Variants in ADORA2A observed in about 807,000 individuals in gnomAD.
The protein encoded by ADORA2A is adenosine A2a receptor.
ADORA2A carries 11 observed loss-of-function variants against 18.4 expected under a neutral mutation model. That is an observed-to-expected ratio of 0.60 (90% confidence interval 0.38 to 0.99). The LOEUF is 0.99. Among genes scored for constraint, ADORA2A ranks in the 50% least tolerant of loss-of-function variants. The pLI is 0.01. For synonymous variants in ADORA2A, 218 were observed against 237.3 expected (o/e 0.92, Z 0.75); for missense variants, 449 against 556.1 (o/e 0.81, Z 1.94).
chr22:24,432,165 C>G (rs1317940094), intron 1 of ADORA2A: 1 of 153,530 alleles, frequency 6.5e-6, no homozygotes, highest in Non-Finnish European at 1.4e-5. Context: ...CGAGTGGAAG[C>G]TCACAGTCAG....
At chr22:24,436,083 G>A (rs978746675) in intron 2 of ADORA2A, among the ~76,000 whole-genome samples, 6 of 152,208 alleles carry the variant, frequency 3.9e-5, no homozygotes, top group African/African-American at 1.4e-4. Flanking sequence ...ACATACGAGT[G>A]TCTCCTGATG....
At chr22:24,424,900 G>C (rs2146855744), upstream of ADORA2A, among the ~76,000 whole-genome samples, 1 of 152,220 alleles carries the variant, frequency 6.6e-6, no homozygotes, top group African/African-American at 2.4e-5. This position sits in a 1 kb window ranked among gnomAD's most constrained non-coding sequence, Gnocchi z 4.9. Flanking sequence ...ACTGTACCAT[G>C]GGAGGAAGAG....
intron 1 of ADORA2A, chr22:24,429,559 C>A (rs1158402520): frequency 1.3e-5 from 2 of 152,276 alleles, no homozygotes; most frequent in East Asian, 3.8e-4. Context: ...CTCTGACCTT[C>A]CTGTCACTCT....
chr22:24,431,266 C>T lies in ADORA2A; in HGVS notation c.-274-1865C>T, dbSNP rs141567107. ...GCTGCAGGGTTTCTGGCTCTGCTCT[C>T]TCCTTCCTCCTCCTGCTTCTGTGTC... On this transcript the variant is annotated intron_variant, in intron 1 of 2. Coordinates refer to ENST00000337539, the MANE Select transcript of ADORA2A (RefSeq NM_000675.6). 487 of 456,858 alleles carry T rather than the reference C, an allele frequency of 1.1e-3. 5 individuals carry two copies. The highest frequency in any genetic ancestry group is 9.1e-3 in the African/African-American group (455 of 50,204). The allele number at this position is 456,858 out of a possible 1,614,324, so 28.3% of individuals were successfully genotyped here. A position where few individuals can be genotyped will look rare whatever the true frequency, so the allele number is the denominator to read the frequency against.
intron 1 of ADORA2A, chr22:24,430,326 G>A (rs555275480): frequency 2.6e-5 from 4 of 153,196 alleles, no homozygotes; most frequent in African/African-American, 7.2e-5. Flanking sequence ...AGCCGTGGGT[G>A]TCTTTAGCCC....
rs200236808 is a variant in ADORA2A at position 24,433,756 on chromosome 22, C to T, written c.332+20C>T. ...GCTCCGGTGAGCAGGGCCGGGGTTA[C>T]ATCTGTGCAAAGGCTGTTGGTGCCC... is the stretch of plus-strand genomic sequence containing the variant. On this transcript the variant is annotated intron_variant, in intron 2 of 2. Coordinates refer to ENST00000337539, the MANE Select transcript of ADORA2A (RefSeq NM_000675.6). 1.1e-4 allele frequency: 172 copies of T among 1,595,014 alleles called. No homozygotes were observed. The highest frequency in any genetic ancestry group is 1.5e-4 in the Admixed American group (9 of 59,784).
intron 1 of ADORA2A, chr22:24,430,880 C>T (rs2043014431): frequency 2.9e-6 from 1 of 349,788 alleles, no homozygotes. Context: ...GCCCACTGGG[C>T]CTCACTGGAC....
chr22:24,424,741 T>G (rs1049745045), upstream of ADORA2A, among the ~76,000 whole-genome samples: 1 of 152,102 alleles, frequency 6.6e-6, no homozygotes, highest in African/African-American at 2.4e-5. This position sits in a 1 kb window ranked among gnomAD's most constrained non-coding sequence, Gnocchi z 4.9. Context: ...CGGCCGTCTG[T>G]CTGGCTGCCC....
At chr22:24,431,069 A>G (rs1479136109) in intron 1 of ADORA2A, 2 of 450,462 alleles carry the variant, frequency 4.4e-6, no homozygotes, top group South Asian at 3.1e-5. Context: ...AGAGGCCAAG[A>G]GCATCAGGGA....
intron 1 of ADORA2A, chr22:24,431,296 C>G (rs180900002): frequency 1.5e-5 from 7 of 456,784 alleles, no homozygotes. Flanking sequence ...TGTGTCAATG[C>G]TCCATTCCCA....
chr22:24,435,138 G>A lies in ADORA2A; in HGVS notation c.332+1402G>A, dbSNP rs1002876378. 2.0e-5 allele frequency among the ~76,000 whole-genome samples: 3 copies of A among 152,198 alleles called. No homozygotes were observed. In the South Asian group the frequency reaches 6.2e-4, roughly 31 times the overall value. On this transcript the variant is annotated intron_variant, in intron 2 of 2. Coordinates refer to ENST00000337539, the MANE Select transcript of ADORA2A (RefSeq NM_000675.6). Reference sequence around the variant, plus strand: ...TATCCCAGGAGAGTCTAGAACCCTCGGCAAAGGAGAAGGGGACCCTGGCCA... The same window carrying A: ...TATCCCAGGAGAGTCTAGAACCCTCAGCAAAGGAGAAGGGGACCCTGGCCA...
chr22:24,426,637 G>A (rs1410285470), upstream of ADORA2A, among the ~76,000 whole-genome samples: 1 of 152,158 alleles, frequency 6.6e-6, no homozygotes, highest in Non-Finnish European at 1.5e-5. Context: ...GGCTCTGGGT[G>A]GTGGGAAGAG....
rs200465484 is a variant in ADORA2A, at chr22:24,441,295, G to A, written c.1045G>A (p.Gly349Ser). The A allele has an allele frequency of 1.3e-5, 21 of 1,611,106 alleles. No homozygotes were observed. Among genetic ancestry groups the A allele is most frequent in the South Asian group, 3.3e-5 (3 of 90,924 alleles). The change falls in exon 3 of 3, where the codon GGC (glycine) becomes AGC (serine). Residue 349 changes from glycine (G) to serine (S), a missense_variant. Gly to Ser is a moderately conservative substitution (Grantham distance 56). Coordinates refer to ENST00000337539, the MANE Select transcript of ADORA2A (RefSeq NM_000675.6). ...CCACCCGCCAGGAGTGTGGGCCAAC[G>A]GCAGTGCTCCCCACCCTGAGCGGAG... ...NGHPPGVWAN[G>S]SAPHPERRPN...
intron 1 of ADORA2A, chr22:24,430,951 C>A (rs2043016532): frequency 1.4e-5 from 5 of 364,940 alleles, no homozygotes; most frequent in South Asian, 1.0e-4. Context: ...AGCCACAGGC[C>A]AGGCACCTGG....
rs146309377 is a variant in ADORA2A at position 24,441,930 on chromosome 22, G to A, written c.*441G>A. Reference sequence around the variant, plus strand: ...GGTTCAGGAGCTGCTGGGCCCAGAGGTGACATTTGACTTTTTTCCAGGAAA... The same window carrying A: ...GGTTCAGGAGCTGCTGGGCCCAGAGATGACATTTGACTTTTTTCCAGGAAA... On this transcript the variant is annotated 3_prime_UTR_variant, in exon 3 of 3. Transcript: ENST00000337539. 2 of 142,398 alleles carry A rather than the reference G, an allele frequency of 1.4e-5. No homozygotes were observed. The highest frequency in any genetic ancestry group is 3.1e-5 in the Non-Finnish European group (2 of 64,726). 8.8% of individuals were successfully genotyped at this position (142,398 alleles called of 1,614,324 possible).
At position 24,433,566 on chromosome 22, in the gene ADORA2A, A is replaced by G; in HGVS notation, c.162A>G (p.Ala54=). The G allele has an allele frequency of 6.2e-7, 1 of 1,614,062 alleles. No homozygotes were observed. The highest frequency in any genetic ancestry group is 8.5e-7 in the Non-Finnish European group (1 of 1,180,022). ...FVVSLAAADI[A]VGVLAIPFAI... ...TGTCACTGGCGGCGGCCGACATCGCAGTGGGTGTGCTCGCCATCCCCTTTG... is the reference window on the plus strand; with the variant it reads ...TGTCACTGGCGGCGGCCGACATCGCGGTGGGTGTGCTCGCCATCCCCTTTG... The change falls in exon 2 of 3, where the codon GCA becomes GCG. Residue 54 remains alanine (A), a synonymous_variant. Coordinates refer to ENST00000337539, the MANE Select transcript of ADORA2A (RefSeq NM_000675.6).
chr22:24,430,249 A>AATGCTTAAGGAG (rs1225145580), intron 1 of ADORA2A: 1 of 126,092 alleles, frequency 7.9e-6, no homozygotes, highest in Non-Finnish European at 1.9e-5. Flanking sequence ...AGCCTGCAGG[A>AATGCTTAAGGAG]GTGCTTAAGG....
At position 24,441,259 on chromosome 22, in the gene ADORA2A, C is replaced by T. The variant is rs200993478; in HGVS notation, c.1009C>T (p.Arg337Cys). The change falls in exon 3 of 3, where the codon CGT (arginine) becomes TGT (cysteine). Residue 337 changes from arginine to cysteine, a missense_variant. By Grantham distance (180) the Arg-to-Cys change is radical (BLOSUM62 -3). Coordinates refer to ENST00000337539, the MANE Select transcript of ADORA2A (RefSeq NM_000675.6). ...HGSDGEQVSL[R>C]LNGHPPGVWA... ...CAGTGACGGAGAGCAGGTCAGCCTC[C>T]GTCTCAACGGCCACCCGCCAGGAGT... 18 of 1,613,168 alleles carry T rather than the reference C, an allele frequency of 1.1e-5. No homozygotes were observed. The highest frequency in any genetic ancestry group is 4.5e-5 in the East Asian group (2 of 44,878).
chr22:24,429,035 CTG>C (rs2042964288), intron 1 of ADORA2A, among the ~76,000 whole-genome samples: 1 of 152,358 alleles, frequency 6.6e-6, no homozygotes, highest in Non-Finnish European at 1.5e-5. Context: ...AGTCCGTGCA[CTG>C]TGTCCTGTAT....
Sources: gnomAD v4.1 joint callset for allele counts (sites outside exome capture counted in the v4.1 genomes callset) on GRCh38, gnomAD v4.1.1 for gene constraint, Gnocchi (gnomAD v3.1) non-coding constraint, MANE v1.5 for transcripts, NCBI Gene and HGNC (gene_info 2026-07-23, HGNC 2026-07-21) for gene names.